FBXL17: variants seen among roughly 807,000 people sequenced by gnomAD.
FBXL17 encodes the protein F-box and leucine rich repeat protein 17, also known as F-box/LRR-repeat protein 17.
A neutral mutation model predicts 66.2 loss-of-function variants in FBXL17; 22 were observed. The ratio of observed to expected loss-of-function variants is 0.33; its 90% CI spans 0.24 to 0.47. The LOEUF is 0.47. Ranked by LOEUF, FBXL17 falls within the 20% of genes least tolerant of loss-of-function variation. FBXL17 has a pLI of 1.00. For synonymous variants in FBXL17, 474 were observed against 400.5 expected, an observed-to-expected ratio of 1.18 and a Z score of -2.19; for missense variants, 878 against 948.2, an observed-to-expected ratio of 0.93 and a Z score of 0.97.
intron 3 of FBXL17, among the ~76,000 whole-genome samples, chr5:108,353,945 G>A (rs1747800086): frequency 6.6e-6 from 1 of 152,126 alleles, no homozygotes; most frequent in South Asian, 2.1e-4. Flanking sequence ...AAAATGTTTG[G>A]GACCAGAAGC....
At chr5:108,097,785 G>GGA (rs1749437857) in intron 6 of FBXL17, among the ~76,000 whole-genome samples, 1 of 143,592 alleles carries the variant, frequency 7.0e-6, no homozygotes, top group African/African-American at 2.6e-5. Context: ...CGAGACTCCA[G>GGA]AAAAAAAAAA....
chr5:108,272,273 A>G (rs1216811942), intron 4 of FBXL17, among the ~76,000 whole-genome samples: 2 of 152,144 alleles, frequency 1.3e-5, no homozygotes, highest in Non-Finnish European at 2.9e-5. Flanking sequence ...CCTGGGCGAC[A>G]GCAAGACTCC....
At chr5:108,365,106 GAA>G in intron 2 of FBXL17, 111 bp from the exon 3 acceptor site, 6 of 699,510 alleles carry the variant, frequency 8.6e-6, no homozygotes, top group Non-Finnish European at 1.2e-5. Flanking sequence ...ATTATAGCAT[GAA>G]CGATATAATC....
chr5:108,287,959 T>C (rs1287230615), intron 4 of FBXL17, among the ~76,000 whole-genome samples: 1 of 152,060 alleles, frequency 6.6e-6, no homozygotes, highest in Non-Finnish European at 1.5e-5. Flanking sequence ...TACTATCCTT[T>C]GCAGCAACAT....
chr5:107,973,624 A>T (rs1752466572), intron 7 of FBXL17, among the ~76,000 whole-genome samples: 1 of 152,090 alleles, frequency 6.6e-6, no homozygotes, highest in Non-Finnish European at 1.5e-5. Context: ...TATATAATTT[A>T]TTAAGATCAT....
chr5:108,218,209 C>T (rs1483629550), intron 5 of FBXL17, among the ~76,000 whole-genome samples: 3 of 151,734 alleles, frequency 2.0e-5, no homozygotes, highest in African/African-American at 7.3e-5. Flanking sequence ...GGGGTTTCAC[C>T]ATGTTAGCCA....
chr5:108,178,122 C>CT (rs1752865566), intron 6 of FBXL17, among the ~76,000 whole-genome samples: 1 of 151,874 alleles, frequency 6.6e-6, no homozygotes, highest in Non-Finnish European at 1.5e-5. Context: ...GCCTCCCAGT[C>CT]TCAAGCAATC....
rs375853217 is a variant in FBXL17, at chr5:108,009,261, TTATATATATATATA to T, written c.1822+11650_1822+11663del. On this transcript the variant is annotated intron_variant, in intron 7 of 8. Transcript: ENST00000542267. ...GCTTGGTCGTGAGTTGTTCCCTGTT[TTATATATATATATA>T]TATATATATATATATATATATATAT... 2.5e-3 allele frequency among the ~76,000 whole-genome samples: 52 copies of T among 20,868 alleles called. 4 individuals carry two copies. The highest frequency in any genetic ancestry group is 7.8e-3 in the African/African-American group (48 of 6,130). 13.7% of individuals were successfully genotyped at this position (20,868 alleles called of 152,430 possible).
At chr5:108,156,042 A>G (rs1751984960) in intron 6 of FBXL17, among the ~76,000 whole-genome samples, 1 of 152,148 alleles carries the variant, frequency 6.6e-6, no homozygotes, top group African/African-American at 2.4e-5. Flanking sequence ...GCAACCTAGA[A>G]ACAGTTCAGA....
chr5:108,037,032 T>G (rs1296226926), intron 6 of FBXL17, among the ~76,000 whole-genome samples: 1 of 152,128 alleles, frequency 6.6e-6, no homozygotes, highest in Non-Finnish European at 1.5e-5. Context: ...GCTGCATATG[T>G]AGATCCCTAG....
intron 6 of FBXL17, among the ~76,000 whole-genome samples, chr5:108,104,983 A>G (rs540719036): frequency 3.9e-4 from 60 of 152,212 alleles, no homozygotes; most frequent in Non-Finnish European, 7.8e-4. Context: ...CTGGGACTAC[A>G]GGTGCCCGCC....
chr5:107,959,529 C>G (rs557553954), intron 7 of FBXL17, among the ~76,000 whole-genome samples: 4 of 152,160 alleles, frequency 2.6e-5, no homozygotes, highest in Admixed American at 2.6e-4. Context: ...GCTCACTCAT[C>G]AAACTCACCG....
chr5:108,337,875 G>A (rs184950091), intron 4 of FBXL17, among the ~76,000 whole-genome samples: 298 of 152,068 alleles, frequency 2.0e-3, no homozygotes, highest in Admixed American at 4.6e-3. Context: ...GTTTATGAGT[G>A]AATTCAGAGG....
intron 1 of FBXL17, among the ~76,000 whole-genome samples, chr5:108,378,611 C>G (rs1006095976): frequency 7.2e-5 from 11 of 152,020 alleles, no homozygotes; most frequent in Admixed American, 1.3e-4. Context: ...CTTTCACCAC[C>G]ACATGGCTCT....
intron 7 of FBXL17, among the ~76,000 whole-genome samples, chr5:107,927,337 A>C (rs945834187): frequency 9.9e-5 from 15 of 152,082 alleles, no homozygotes; most frequent in African/African-American, 3.4e-4. Flanking sequence ...TAACTGTATG[A>C]GGGAAAAATG....
At chr5:108,016,635 A>G (rs920325516) in intron 7 of FBXL17, among the ~76,000 whole-genome samples, 1 of 152,142 alleles carries the variant, frequency 6.6e-6, no homozygotes, top group African/African-American at 2.4e-5. Context: ...TCAGTACACC[A>G]TATGAAGTGC....
At chr5:108,006,279 T>C (rs1753917224) in intron 7 of FBXL17, among the ~76,000 whole-genome samples, 1 of 152,218 alleles carries the variant, frequency 6.6e-6, no homozygotes, top group Admixed American at 6.5e-5. Flanking sequence ...CTGTGATAAA[T>C]AGATTATAAG....
chr5:107,898,218 G>T (rs1214164849), intron 7 of FBXL17, among the ~76,000 whole-genome samples: 3 of 151,974 alleles, frequency 2.0e-5, no homozygotes, highest in Non-Finnish European at 4.4e-5. Flanking sequence ...TAAAGCAAAT[G>T]GTGGAAGAAG....
At chr5:107,896,207 A>C (rs1415541955) in intron 7 of FBXL17, among the ~76,000 whole-genome samples, 2 of 152,184 alleles carry the variant, frequency 1.3e-5, no homozygotes, top group Non-Finnish European at 2.9e-5. Context: ...TCGTTTAAGA[A>C]TTATGAAGTT....
Sources: allele counts gnomAD v4.1 joint callset (sites outside exome capture counted in the v4.1 genomes callset), GRCh38; gene constraint gnomAD v4.1.1; transcripts MANE v1.5; gene names NCBI Gene and HGNC (gene_info 2026-07-23, HGNC 2026-07-21).